The following GRM5 variants were observed in gnomAD, a reference collection of about 807,000 sequenced individuals.
GRM5 encodes metabotropic glutamate receptor 5.
A neutral mutation model predicts 83.1 loss-of-function variants in GRM5; 19 were observed. The ratio of observed to expected loss-of-function variants is 0.23; its 90% CI spans 0.16 to 0.34. The LOEUF is 0.34. Ranked by LOEUF, GRM5 falls within the 10% of genes least tolerant of loss-of-function variation. The pLI is 1.00. For synonymous variants in GRM5, 675 were observed against 633.6 expected, an observed-to-expected ratio of 1.07 and a Z score of -0.98; for missense variants, 1,160 against 1,588.3, an observed-to-expected ratio of 0.73 and a Z score of 4.58.
At chr11:88,559,403 T>C (rs1942704741) in intron 8 of GRM5, among the ~76,000 whole-genome samples, 1 of 152,204 alleles carries the variant, frequency 6.6e-6, no homozygotes, top group South Asian at 2.1e-4. Flanking sequence ...TGAAGCTAGC[T>C]TCCTTTTATT....
chr11:89,048,755 G>A (rs536313082), intron 1 of GRM5, among the ~76,000 whole-genome samples: 3 of 152,272 alleles, frequency 2.0e-5, no homozygotes, highest in Non-Finnish European at 2.9e-5. Context: ...GAATTATAGA[G>A]TACAACATCC....
At chr11:88,977,276 G>A (rs1165497013) in intron 2 of GRM5, among the ~76,000 whole-genome samples, 3 of 151,630 alleles carry the variant, frequency 2.0e-5, no homozygotes, top group Non-Finnish European at 4.4e-5. Context: ...GCAGTGGCAC[G>A]ATCTCAGCTC....
intron 2 of GRM5, chr11:89,008,890 TTC>T (rs1940605291): frequency 2.0e-6 from 1 of 491,900 alleles, no homozygotes; most frequent in Non-Finnish European, 3.7e-6. Context: ...TTCTTGCATT[TTC>T]ATTTGCCTCT....
rs533763702 is a variant in GRM5 at position 88,560,593 on chromosome 11, T to G, written c.2630+6460A>C. Among the ~76,000 whole-genome samples, 11 of 152,310 alleles carry G rather than the reference T, an allele frequency of 7.2e-5. No homozygotes were observed. In the South Asian group the frequency reaches 1.7e-3, roughly 23 times the overall value. On this transcript the variant is annotated intron_variant, in intron 8 of 9. Coordinates refer to ENST00000305447, the MANE Select transcript of GRM5 (RefSeq NM_001143831.3). Reference sequence around the variant, plus strand: ...GGACAAAGCATTATCAGATAAAATCTGGCCCATCAAGTCAGCAAAGTGAGT... The same window carrying G: ...GGACAAAGCATTATCAGATAAAATCGGGCCCATCAAGTCAGCAAAGTGAGT...
chr11:88,674,452 T>C (rs1940272342), intron 3 of GRM5, among the ~76,000 whole-genome samples: 1 of 151,952 alleles, frequency 6.6e-6, no homozygotes, highest in Non-Finnish European at 1.5e-5. Flanking sequence ...GTGCTCTAGA[T>C]TAAAATATTC....
rs201080010 is a variant in GRM5, at chr11:89,024,917, T to G, written c.661+22295A>C. On this transcript the variant is annotated intron_variant, in intron 2 of 9. Coordinates refer to ENST00000305447, the MANE Select transcript of GRM5 (RefSeq NM_001143831.3). ...AGTGAATATCTCAAAGGACAGGTAA[T>G]CAAATGAGCTCTACACCACTAACAG... Among the ~76,000 whole-genome samples, 7 of 142,998 alleles carry G rather than the reference T, an allele frequency of 4.9e-5. No individual in the cohort carries two copies. In the East Asian group the frequency reaches 1.5e-3, roughly 31 times the overall value. The allele number at this position is 142,998 out of a possible 152,430, so 93.8% of individuals were successfully genotyped here.
intron 2 of GRM5, among the ~76,000 whole-genome samples, chr11:88,957,387 G>A (rs1225947207): frequency 6.6e-6 from 1 of 152,190 alleles, no homozygotes. Context: ...AAAGCAATGT[G>A]GGATGAAATA....
intron 2 of GRM5, among the ~76,000 whole-genome samples, chr11:88,912,565 C>T (rs577848830): frequency 6.6e-6 from 1 of 152,010 alleles, no homozygotes; most frequent in African/African-American, 2.4e-5. Context: ...AGGGCTCAGG[C>T]TAACCTGTCC....
intron 3 of GRM5, among the ~76,000 whole-genome samples, chr11:88,658,463 A>G (rs1239002015): frequency 6.6e-6 from 1 of 152,144 alleles, no homozygotes; most frequent in African/African-American, 2.4e-5. Flanking sequence ...TGACAGCATC[A>G]CTGTGTGTTG....
intron 2 of GRM5, among the ~76,000 whole-genome samples, chr11:88,978,581 G>T (rs1939419090): frequency 6.7e-6 from 1 of 150,010 alleles, no homozygotes; most frequent in Non-Finnish European, 1.5e-5. Context: ...ATCCTGGGCT[G>T]CAGTCGCATG....
At chr11:88,718,387 T>A (rs1282966812) in intron 3 of GRM5, among the ~76,000 whole-genome samples, 1 of 151,916 alleles carries the variant, frequency 6.6e-6, no homozygotes, top group Non-Finnish European at 1.5e-5. Context: ...TCCCTCTATT[T>A]TCAGTTTAAC....
At chr11:88,841,254 A>G (rs901189206) in intron 3 of GRM5, among the ~76,000 whole-genome samples, 1 of 152,058 alleles carries the variant, frequency 6.6e-6, no homozygotes, top group Non-Finnish European at 1.5e-5. Context: ...GGTTTTCTTA[A>G]TGGTGTCTTG....
At chr11:88,696,611 G>A (rs1940910231) in intron 3 of GRM5, among the ~76,000 whole-genome samples, 1 of 152,164 alleles carries the variant, frequency 6.6e-6, no homozygotes, top group Admixed American at 6.5e-5. Context: ...GACACACCTG[G>A]ATTCCGACAT....
intron 7 of GRM5, among the ~76,000 whole-genome samples, chr11:88,575,060 T>C (rs1482531130): frequency 6.6e-6 from 1 of 151,028 alleles, no homozygotes; most frequent in Non-Finnish European, 1.5e-5. Flanking sequence ...GGAAGGCATA[T>C]TCTACAGTTG....
chr11:88,995,169 T>G (rs528046224), intron 2 of GRM5, among the ~76,000 whole-genome samples: 87 of 152,238 alleles, frequency 5.7e-4, no homozygotes, highest in South Asian at 1.5e-3. Context: ...AGACAGTTAT[T>G]ATAGCATCCA....
rs897890598 is a variant in GRM5, at chr11:88,505,869, G to A, written c.*2723C>T. The A allele has an allele frequency of 6.6e-6, 1 of 152,138 alleles. No homozygotes were observed. The highest frequency in any genetic ancestry group is 2.4e-5 in the African/African-American group (1 of 41,426). 9.4% of individuals were successfully genotyped at this position (152,138 alleles called of 1,614,324 possible). The stretch of plus-strand genomic sequence containing the variant: ...CAATGAGAATGTACCCAAATGAATT[G>A]TGAAGTTCATATCCTATAGCCCTAG... On this transcript the variant is annotated 3_prime_UTR_variant, in exon 10 of 10. Transcript: ENST00000305447.
At chr11:88,793,103 T>C (rs1204890364) in intron 3 of GRM5, among the ~76,000 whole-genome samples, 3 of 152,150 alleles carry the variant, frequency 2.0e-5, no homozygotes, top group Non-Finnish European at 4.4e-5. Flanking sequence ...CTGTTCAGAC[T>C]CTTATCTCCA....
At chr11:88,704,846 G>A (rs1565194189) in intron 3 of GRM5, among the ~76,000 whole-genome samples, 1 of 151,964 alleles carries the variant, frequency 6.6e-6, no homozygotes, top group Non-Finnish European at 1.5e-5. Flanking sequence ...CTGGAAGGAA[G>A]CTAGTTTTTC....
chr11:88,761,164 C>CGTG (rs1239110201), intron 3 of GRM5, among the ~76,000 whole-genome samples: 2 of 152,092 alleles, frequency 1.3e-5, no homozygotes, highest in African/African-American at 2.4e-5. Flanking sequence ...CCTCTCTCAC[C>CGTG]ACTCCTATTC....
Sources: allele counts gnomAD v4.1 joint callset (sites outside exome capture counted in the v4.1 genomes callset), GRCh38; gene constraint gnomAD v4.1.1; transcripts MANE v1.5; gene names NCBI Gene and HGNC (gene_info 2026-07-23, HGNC 2026-07-21).